The following RGS12 variants were observed in gnomAD, a reference collection of about 807,000 sequenced individuals.
RGS12 encodes regulator of G-protein signaling 12.
RGS12 carries 66 observed loss-of-function variants against 120.1 expected under a neutral mutation model. The observed-to-expected ratio is 0.55, with a 90% CI of 0.45 to 0.67. The LOEUF is 0.67. Among genes scored for constraint, RGS12 ranks in the 30% least tolerant of loss-of-function variants. RGS12 has a pLI of 0.00. For missense variants in RGS12, 1,859 were observed against 1,957.7 expected (o/e 0.95, Z 0.95); for synonymous variants, 827 against 804.7 (o/e 1.03, Z -0.47).
intron 2 of RGS12, among the ~76,000 whole-genome samples, chr4:3,329,346 G>A (rs954592340): frequency 8.5e-5 from 13 of 152,192 alleles, no homozygotes; most frequent in African/African-American, 3.1e-4. Context: ...TGGGAGTGGG[G>A]TCAGGGCAAG....
the RGS12 span, among the ~76,000 whole-genome samples, chr4:3,286,228 T>C: frequency 6.6e-6 from 1 of 152,194 alleles, no homozygotes; most frequent in Admixed American, 6.5e-5. Flanking sequence ...GAGAGGCCAC[T>C]CGGCCACCCT....
chr4:3,316,872 C>T lies in RGS12; in HGVS notation c.702C>T (p.Tyr234=). 6.2e-7 allele frequency: 1 copy of T among 1,614,170 alleles called. No homozygotes were observed. The highest frequency in any genetic ancestry group is 8.5e-7 in the Non-Finnish European group (1 of 1,180,048). The change falls in exon 2 of 18, where the codon TAC becomes TAT. Residue 234 remains tyrosine (Y), a synonymous_variant. Transcript: ENST00000336727. ...TAAACGTGGCGATGATCGTGGGCTACTTAGGCTCCATTGAGCTTCCTTCCA... is the reference window on the plus strand; with the variant it reads ...TAAACGTGGCGATGATCGTGGGCTATTTAGGCTCCATTGAGCTTCCTTCCA... ...SILNVAMIVG[Y]LGSIELPSTS...
Position 3,400,648 on chromosome 4 carries a change from TACTA to T in RGS12, c.2021-13419_2021-13416del, listed in dbSNP as rs539475972. On this transcript the variant is annotated intron_variant, in intron 4 of 17. Transcript: ENST00000336727. ...TTAGTAATAGTATTAGTTTTAGTAA[TACTA>T]ACTACTAGCTAGTATTACTATTAGA... Among the ~76,000 whole-genome samples the T allele has an allele frequency of 2.5e-3, 369 of 149,366 alleles. 2 individuals carry two copies. Among genetic ancestry groups the T allele is most frequent in the African/African-American group, 8.7e-3 (355 of 41,012 alleles).
chr4:3,431,073 C>T, intron 17 of RGS12, 118 bp downstream of exon 17: 1 of 1,464,582 alleles, frequency 6.8e-7, no homozygotes. Context: ...TCCGTGACCC[C>T]CTCCTCACCT....
At chr4:3,299,898 A>C (rs1333896157) in intron 1 of RGS12, among the ~76,000 whole-genome samples, 2 of 152,144 alleles carry the variant, frequency 1.3e-5, no homozygotes, top group African/African-American at 2.4e-5. Context: ...GACCCCACGC[A>C]GGTGTGCTAG....
At chr4:3,400,139 AG>A (rs1341915158) in intron 4 of RGS12, among the ~76,000 whole-genome samples, 1 of 152,234 alleles carries the variant, frequency 6.6e-6, no homozygotes, top group Admixed American at 6.5e-5. Flanking sequence ...TTCTCACCTC[AG>A]TTTGCAAGAC....
chr4:3,389,003 T>C lies in RGS12; in HGVS notation c.2020+2566T>C, dbSNP rs1719165571. ...CTGTCTAGTTTTGGTGATTAATAGA[T>C]CACTCACTTAGAAATATTTTGTGTT... On this transcript the variant is annotated intron_variant, in intron 4 of 17. Coordinates refer to ENST00000336727, the MANE Select transcript of RGS12 (RefSeq NM_001394154.1). The surrounding 1 kb of genome is among the most constrained non-coding windows in gnomAD (Gnocchi z 5.2). Among the ~76,000 whole-genome samples the C allele has an allele frequency of 6.6e-6, 1 of 152,194 alleles. No homozygotes were observed. The highest frequency in any genetic ancestry group is 2.1e-4 in the South Asian group (1 of 4,832).
chr4:3,328,846 GCGACT>G (rs1711526675), intron 2 of RGS12, among the ~76,000 whole-genome samples: 1 of 152,150 alleles, frequency 6.6e-6, no homozygotes, highest in South Asian at 2.1e-4. Flanking sequence ...CAAACTACAT[GCGACT>G]GTGTCCTAAA....
intron 1 of RGS12, among the ~76,000 whole-genome samples, chr4:3,301,891 G>T (rs1304578842): frequency 6.6e-6 from 1 of 152,154 alleles, no homozygotes; most frequent in African/African-American, 2.4e-5. Flanking sequence ...TCTCTCCAGG[G>T]CTAGACTTGC....
intron 3 of RGS12, among the ~76,000 whole-genome samples, chr4:3,380,206 C>T (rs1401585797): frequency 6.6e-6 from 1 of 152,252 alleles, no homozygotes; most frequent in African/African-American, 2.4e-5. Context: ...AAAATGATCT[C>T]CTTTGACTCC....
intron 3 of RGS12, among the ~76,000 whole-genome samples, chr4:3,361,659 C>A (rs1452786912): frequency 6.6e-6 from 1 of 152,130 alleles, no homozygotes; most frequent in Non-Finnish European, 1.5e-5. Flanking sequence ...GGAGGAGCTC[C>A]CGAGGCAAGA....
intron 3 of RGS12, chr4:3,378,565 GC>G (rs1717930075): frequency 1.3e-5 from 2 of 152,200 alleles, no homozygotes; most frequent in African/African-American, 4.8e-5. Flanking sequence ...CAACTCAGTG[GC>G]AAAAACCAAA....
intron 2 of RGS12, among the ~76,000 whole-genome samples, chr4:3,340,716 C>T (rs1327711146): frequency 2.0e-5 from 3 of 152,198 alleles, no homozygotes; most frequent in South Asian, 2.1e-4. Context: ...CAGGAGCTGG[C>T]GGGAGCCTGA....
At chr4:3,337,611 C>T (rs567355041) in intron 2 of RGS12, among the ~76,000 whole-genome samples, 1 of 152,214 alleles carries the variant, frequency 6.6e-6, no homozygotes, top group South Asian at 2.1e-4. Flanking sequence ...CAGAAGGACA[C>T]ACACTATCTA....
At chr4:3,307,583 A>AT (rs1560643535) in intron 1 of RGS12, among the ~76,000 whole-genome samples, 1 of 152,244 alleles carries the variant, frequency 6.6e-6, no homozygotes, top group Non-Finnish European at 1.5e-5. Context: ...TGTTTCAGTC[A>AT]AATAGGTTCT....
chr4:3,309,641 T>G (rs1372301720), intron 1 of RGS12, among the ~76,000 whole-genome samples: 4 of 82,458 alleles, frequency 4.9e-5, no homozygotes, highest in Admixed American at 2.5e-4. Flanking sequence ...AGGGGAACCG[T>G]GTGGGGGAGG....
At chr4:3,353,306 G>A (rs1278911374) in intron 3 of RGS12, among the ~76,000 whole-genome samples, 1 of 152,176 alleles carries the variant, frequency 6.6e-6, no homozygotes, top group African/African-American at 2.4e-5. Flanking sequence ...GGAAAAGAAG[G>A]CATTCCTAGA....
At chr4:3,401,607 GT>G (rs1403261074) in intron 4 of RGS12, among the ~76,000 whole-genome samples, 1 of 152,242 alleles carries the variant, frequency 6.6e-6, no homozygotes, top group African/African-American at 2.4e-5. Context: ...AGCGGGGGGA[GT>G]GTCTTGCCCA....
intron 3 of RGS12, among the ~76,000 whole-genome samples, chr4:3,382,098 G>T (rs537697528): frequency 3.9e-4 from 59 of 152,314 alleles, no homozygotes; most frequent in African/African-American, 1.4e-3. Context: ...TTGTTCCTTT[G>T]TGGCTAGTTA....
Sources: allele counts gnomAD v4.1 joint callset (sites outside exome capture counted in the v4.1 genomes callset), GRCh38; gene constraint gnomAD v4.1.1; non-coding constraint Gnocchi (gnomAD v3.1); transcripts MANE v1.5; gene names NCBI Gene and HGNC (gene_info 2026-07-23, HGNC 2026-07-21).